ZNF536: variants seen among roughly 807,000 people sequenced by gnomAD.
The protein encoded by ZNF536 is zinc finger protein 536.
In ZNF536, 13 loss-of-function variants were observed where a neutral mutation model predicts 84.5. The ratio of observed to expected loss-of-function variants is 0.15; its 90% CI spans 0.10 to 0.24. The LOEUF (loss-of-function observed/expected upper bound fraction) is 0.24. Ranked by LOEUF, ZNF536 falls within the 10% of genes least tolerant of loss-of-function variation. The pLI is 1.00. For missense variants in ZNF536, 1,536 were observed against 1,747.5 expected, an observed-to-expected ratio of 0.88 and a Z score of 2.16; for synonymous variants, 811 against 742.5, an observed-to-expected ratio of 1.09 and a Z score of -1.50.
chr19:30,474,299 C>T (rs2053757779), intron 2 of ZNF536, among the ~76,000 whole-genome samples: 1 of 151,798 alleles, frequency 6.6e-6, no homozygotes, highest in Non-Finnish European at 1.5e-5. Flanking sequence ...CAGCTAGAGG[C>T]TCATAAACCC....
intron 2 of ZNF536, among the ~76,000 whole-genome samples, chr19:30,349,905 A>T (rs972116444): frequency 3.3e-5 from 5 of 152,164 alleles, no homozygotes; most frequent in Non-Finnish European, 7.3e-5. Flanking sequence ...GTTACCATTA[A>T]AATCTAAGTA....
intron 1 of ZNF536, among the ~76,000 whole-genome samples, chr19:30,602,459 C>G (rs1248254660): frequency 6.6e-5 from 10 of 152,168 alleles, no homozygotes. Flanking sequence ...TTTTGAGCTA[C>G]ATTTGGAGGC....
At chr19:30,529,111 G>A (rs12609450) in intron 2 of ZNF536, among the ~76,000 whole-genome samples, 24,838 of 151,964 alleles carry the variant, frequency 0.16, 2,825 homozygotes, top group East Asian at 0.31. Flanking sequence ...GCCTCCTAAC[G>A]CCTGAGTCAG....
intron 2 of ZNF536, among the ~76,000 whole-genome samples, chr19:30,516,829 G>A (rs1056093300): frequency 7.2e-5 from 11 of 152,074 alleles, no homozygotes; most frequent in African/African-American, 2.4e-4. Flanking sequence ...GCGAGGCTTC[G>A]TGGCGAGGCT....
At chr19:30,255,943 T>C (rs1189303712) in intron 1 of ZNF536, among the ~76,000 whole-genome samples, 2 of 152,186 alleles carry the variant, frequency 1.3e-5, no homozygotes, top group Non-Finnish European at 1.5e-5. Context: ...GTGATTAGCA[T>C]GGAGAGGCAT....
At chr19:30,500,511 G>A (rs759677710) in intron 2 of ZNF536, among the ~76,000 whole-genome samples, 4 of 151,618 alleles carry the variant, frequency 2.6e-5, no homozygotes, top group Non-Finnish European at 5.9e-5. Flanking sequence ...ATAACCCCAG[G>A]CTCACTCCTG....
intron 4 of ZNF536, among the ~76,000 whole-genome samples, chr19:30,551,847 T>A (rs2045795697): frequency 6.6e-6 from 1 of 152,196 alleles, no homozygotes; most frequent in South Asian, 2.1e-4. Flanking sequence ...GTGGGGCCAC[T>A]GCCCTCTTGC....
chr19:30,451,580 T>C (rs1009812824), intron 2 of ZNF536, among the ~76,000 whole-genome samples: 5 of 152,154 alleles, frequency 3.3e-5, no homozygotes, highest in Middle Eastern at 3.4e-3. Context: ...AGACTAGGAG[T>C]GTAACATCAG....
At chr19:30,508,115 T>A (rs544217770) in intron 2 of ZNF536, among the ~76,000 whole-genome samples, 1 of 152,278 alleles carries the variant, frequency 6.6e-6, no homozygotes, top group South Asian at 2.1e-4. Context: ...GAAAGGGAAT[T>A]GCTCAGCAAA....
At chr19:30,393,939 G>A (rs1217938074) in intron 1 of ZNF536, among the ~76,000 whole-genome samples, 1 of 152,196 alleles carries the variant, frequency 6.6e-6, no homozygotes, top group East Asian at 1.9e-4. Flanking sequence ...AGTGGTGGAG[G>A]AGATAGAGAG....
At chr19:30,584,160 T>C (rs2047017826) in intron 1 of ZNF536, among the ~76,000 whole-genome samples, 1 of 152,114 alleles carries the variant, frequency 6.6e-6, no homozygotes, top group Non-Finnish European at 1.5e-5. Context: ...TGCCCTCCTA[T>C]CCATCATTCC....
intron 1 of ZNF536, among the ~76,000 whole-genome samples, chr19:30,404,110 T>G (rs1211379179): frequency 6.6e-6 from 1 of 151,088 alleles, no homozygotes; most frequent in African/African-American, 2.4e-5. Context: ...ATTGCTAGTC[T>G]TGCAAGGGAA....
intron 2 of ZNF536, among the ~76,000 whole-genome samples, chr19:30,483,799 C>T (rs2054185048): frequency 1.3e-5 from 2 of 152,134 alleles, no homozygotes; most frequent in Admixed American, 6.5e-5. Flanking sequence ...AAAAAGGCCA[C>T]AGTCTCATGA....
chr19:30,314,825 T>A (rs187947393), intron 2 of ZNF536, among the ~76,000 whole-genome samples: 1 of 152,170 alleles, frequency 6.6e-6, no homozygotes, highest in East Asian at 1.9e-4. Flanking sequence ...CCCTCCCCTT[T>A]CTCTGGGTGG....
rs537519300 is a variant in ZNF536, at chr19:30,430,603, G to A, written c.-2-12958G>A. Reference sequence around the variant, plus strand: ...ATTTCTCCCAAGATTACTAGGCACAGGGGCAAGGAGGGATTGCAGAGAGGA... The same window carrying A: ...ATTTCTCCCAAGATTACTAGGCACAAGGGCAAGGAGGGATTGCAGAGAGGA... On this transcript the variant is annotated intron_variant, in intron 1 of 4. Coordinates refer to ENST00000355537, the MANE Select transcript of ZNF536 (RefSeq NM_014717.3). 4.6e-5 allele frequency among the ~76,000 whole-genome samples: 7 copies of A among 152,354 alleles called. No homozygotes were observed. In the South Asian group the frequency reaches 1.5e-3, roughly 32 times the overall value.
intron 1 of ZNF536, among the ~76,000 whole-genome samples, chr19:30,382,012 T>G (rs1600479837): frequency 6.6e-6 from 1 of 152,190 alleles, no homozygotes; most frequent in East Asian, 1.9e-4. Context: ...TGCTTTCCAT[T>G]CCCTGGTTTA....
At chr19:30,493,345 GC>G (rs771819242) in intron 2 of ZNF536, among the ~76,000 whole-genome samples, 1 of 152,064 alleles carries the variant, frequency 6.6e-6, no homozygotes, top group African/African-American at 2.4e-5. Context: ...AAACAGGCAT[GC>G]CCATGCAGAG....
intron 2 of ZNF536, among the ~76,000 whole-genome samples, chr19:30,339,377 T>G (rs2047491278): frequency 6.6e-6 from 1 of 152,146 alleles, no homozygotes; most frequent in Non-Finnish European, 1.5e-5. Context: ...TCTAGGGCTG[T>G]GGAGCAGCCA....
chr19:30,634,673 G>T (rs183678126), intron 1 of ZNF536, among the ~76,000 whole-genome samples: 1 of 152,074 alleles, frequency 6.6e-6, no homozygotes, highest in South Asian at 2.1e-4. Flanking sequence ...ACTTAATGCC[G>T]GTGAATGTTG....
Sources: gnomAD v4.1 joint callset for allele counts (sites outside exome capture counted in the v4.1 genomes callset) on GRCh38, gnomAD v4.1.1 for gene constraint, MANE v1.5 for transcripts, NCBI Gene and HGNC (gene_info 2026-07-23, HGNC 2026-07-21) for gene names.